IFT140: variants seen among roughly 807,000 people sequenced by gnomAD.
IFT140 encodes the protein intraflagellar transport 140.
A neutral mutation model predicts 164.6 loss-of-function variants in IFT140; 133 were observed. That is an observed-to-expected ratio of 0.81 (90% confidence interval 0.70 to 0.93). The LOEUF is 0.93. IFT140 is among the 40% of genes least tolerant of loss of function. The probability of loss-of-function intolerance (pLI) is 0.00; values close to 1 mark genes in which losing one functional copy is unlikely to be tolerated. For synonymous variants in IFT140, 860 were observed against 817.3 expected, an observed-to-expected ratio of 1.05 and a Z score of -0.89; for missense variants, 2,045 against 1,972.3, an observed-to-expected ratio of 1.04 and a Z score of -0.70.
At position 1,540,815 on chromosome 16, in the gene IFT140, C is replaced by A. The variant is rs562675204; in HGVS notation, c.2400-14019G>T. The A allele has an allele frequency of 1.2e-3, 1,199 of 985,276 alleles. 2 individuals carry two copies. The highest frequency in any genetic ancestry group is 1.4e-3 in the Non-Finnish European group (1,154 of 829,812). 61.0% of individuals were successfully genotyped at this position (985,276 alleles called of 1,614,324 possible). A position where few individuals can be genotyped will look rare whatever the true frequency, so the allele number is the denominator to read the frequency against. ...ACTTAGTTTTGGGAATCGAATTTCC[C>A]AAATATTGTTCAATAGAAAACAAGG... On this transcript the variant is annotated intron_variant, in intron 19 of 30. Coordinates refer to ENST00000426508, the MANE Select transcript of IFT140 (RefSeq NM_014714.4).
rs200683297 is a variant in IFT140 at position 1,534,548 on chromosome 16, C to T, written c.2400-7752G>A. On this transcript the variant is annotated intron_variant, in intron 19 of 30. Coordinates refer to ENST00000426508, the MANE Select transcript of IFT140 (RefSeq NM_014714.4). Reference sequence around the variant, plus strand: ...CCGGCTTCCAGGAGTCCCGAGGCACCGTCAAACGTAAGTCCAATTGTTTTC... The same window carrying T: ...CCGGCTTCCAGGAGTCCCGAGGCACTGTCAAACGTAAGTCCAATTGTTTTC... 11 of 1,602,932 alleles carry T rather than the reference C, an allele frequency of 6.9e-6. No homozygotes were observed. The highest frequency in any genetic ancestry group is 1.3e-5 in the African/African-American group (1 of 74,926).
chr16:1,585,308 C>T (rs2034809591), intron 10 of IFT140, among the ~76,000 whole-genome samples: 1 of 152,168 alleles, frequency 6.6e-6, no homozygotes, highest in Admixed American at 6.5e-5. Flanking sequence ...GTGGGAGCAG[C>T]CGGGCACAAA....
intron 4 of IFT140, among the ~76,000 whole-genome samples, chr16:1,595,848 T>C (rs1044410631): frequency 1.3e-5 from 2 of 151,722 alleles, no homozygotes; most frequent in African/African-American, 2.4e-5. Context: ...AGGTCAGGAG[T>C]TCGAGGCCAG....
At chr16:1,565,336 G>A (rs2033652569) in intron 16 of IFT140, among the ~76,000 whole-genome samples, 1 of 152,072 alleles carries the variant, frequency 6.6e-6, no homozygotes, top group African/African-American at 2.4e-5. Context: ...TCGGTGAGCT[G>A]TGAAGATGGA....
chr16:1,609,048 A>G (rs1567437776), intron 2 of IFT140, among the ~76,000 whole-genome samples: 1 of 152,044 alleles, frequency 6.6e-6, no homozygotes, highest in Non-Finnish European at 1.5e-5. Flanking sequence ...CCAGCTACTC[A>G]GGAGGCTGAG....
At position 1,523,941 on chromosome 16, in the gene IFT140, C is replaced by G. The variant is rs148194893; in HGVS notation, c.3157G>C (p.Asp1053His). Residue 1053 changes from aspartate to histidine, a missense_variant, in exon 25 of 31, where the codon GAC (aspartate) becomes CAC (histidine). Transcript: ENST00000426508. ...AGCAGGGCCAAGTTCATGAGCTGGT[C>G]GTCCAGGCCGTTCTCCTGCAGGGAG... is the stretch of plus-strand genomic sequence containing the variant. ...IRLCKENGLD[D>H]QLMNLALLSS... The G allele has an allele frequency of 6.2e-7, 1 of 1,612,208 alleles. No homozygotes were observed. The highest frequency in any genetic ancestry group is 8.5e-7 in the Non-Finnish European group (1 of 1,179,970).
At chr16:1,542,015 C>G in intron 19 of IFT140, 1 of 1,611,478 alleles carries the variant, frequency 6.2e-7, no homozygotes, top group South Asian at 1.1e-5. Context: ...TGGGCCTGCC[C>G]CTGCTGTCAC....
chr16:1,572,481 C>G (rs1383437935), intron 13 of IFT140, among the ~76,000 whole-genome samples: 1 of 152,106 alleles, frequency 6.6e-6, no homozygotes, highest in Non-Finnish European at 1.5e-5. Context: ...CCCGTCTCTA[C>G]TAAAAATACA....
intron 20 of IFT140, 27 bp from the exon 21 acceptor site, chr16:1,526,104 G>T: frequency 6.4e-7 from 1 of 1,553,012 alleles, no homozygotes; most frequent in Non-Finnish European, 8.7e-7. Context: ...GGCAGGTGTC[G>T]TGCAGCCTCC....
At chr16:1,538,212 T>C (rs1429136846) in intron 19 of IFT140, among the ~76,000 whole-genome samples, 1 of 152,156 alleles carries the variant, frequency 6.6e-6, no homozygotes, top group East Asian at 1.9e-4. Flanking sequence ...TGGTGAGCCA[T>C]GCACCCTGGG....
chr16:1,572,369 G>A (rs544199498), intron 13 of IFT140, among the ~76,000 whole-genome samples: 5 of 152,208 alleles, frequency 3.3e-5, no homozygotes, highest in African/African-American at 4.8e-5. Context: ...CCCACAGGCC[G>A]GGCGCGGTGG....
intron 13 of IFT140, among the ~76,000 whole-genome samples, chr16:1,578,674 G>A (rs945742578): frequency 2.0e-5 from 3 of 152,058 alleles, no homozygotes; most frequent in African/African-American, 7.2e-5. Flanking sequence ...GAGGTCAGGA[G>A]TTCAAGACCA....
At chr16:1,536,136 G>C (rs1427518480) in intron 19 of IFT140, among the ~76,000 whole-genome samples, 1 of 152,240 alleles carries the variant, frequency 6.6e-6, no homozygotes, top group Non-Finnish European at 1.5e-5. Context: ...CCGCAGCTCT[G>C]CACCTCCAGG....
chr16:1,589,807 T>C lies in IFT140; in HGVS notation c.635-27A>G, dbSNP rs201254253. 522 of 1,591,066 alleles carry C rather than the reference T, an allele frequency of 3.3e-4. 2 individuals are homozygous for C. In the African/African-American group the frequency reaches 6.3e-3, roughly 19 times the overall value. ...TGGGGACAAACGTGGGGTCACTACA[T>C]GAGGAGGCCCTGGTTTATCTGCTTC... On this transcript the variant is annotated intron_variant, in intron 6 of 30. Coordinates refer to ENST00000426508, the MANE Select transcript of IFT140 (RefSeq NM_014714.4).
intron 4 of IFT140, among the ~76,000 whole-genome samples, chr16:1,595,750 CAAAAAT>C (rs921571267): frequency 3.3e-5 from 5 of 151,990 alleles, no homozygotes; most frequent in African/African-American, 1.2e-4. Context: ...TTGATGAAGA[CAAAAAT>C]AAAAACACTA....
intron 30 of IFT140, chr16:1,514,738 T>A (rs1050916139): frequency 2.0e-5 from 3 of 152,230 alleles, no homozygotes; most frequent in South Asian, 2.1e-4. Context: ...AAAAAATGAC[T>A]AGACATAAGA....
intron 12 of IFT140, among the ~76,000 whole-genome samples, chr16:1,583,017 G>T (rs944445285): frequency 1.8e-4 from 27 of 152,212 alleles, no homozygotes; most frequent in Non-Finnish European, 3.4e-4. Context: ...GACACCACAG[G>T]TCTCACTGCT....
chr16:1,588,203 G>A (rs1045101169), intron 7 of IFT140, among the ~76,000 whole-genome samples, 179 bp from the exon 8 acceptor site: 15 of 152,134 alleles, frequency 9.9e-5, no homozygotes, highest in South Asian at 4.1e-4. Flanking sequence ...TGTAGGGGCC[G>A]AAGCAAACCA....
At position 1,520,287 on chromosome 16, in the gene IFT140, G is replaced by T. The variant is rs148678744; in HGVS notation, c.3717C>A (p.Ser1239Arg). ...TGTAGATTTCCTTCTGCCTGGACAC[G>T]CTCGCGAAGAACGTGATTTTCTCCG... Reference protein sequence around the residue: ...GDTEKITFFASVSRQKEIYIM... With the variant: ...GDTEKITFFARVSRQKEIYIM... The change falls in exon 28 of 31, where the codon AGC (serine) becomes AGA (arginine). Residue 1239 changes from serine to arginine, a missense_variant. By Grantham distance (110) the Ser-to-Arg change is moderately radical. Coordinates refer to ENST00000426508, the MANE Select transcript of IFT140 (RefSeq NM_014714.4). 1 of 1,614,190 alleles carries T rather than the reference G, an allele frequency of 6.2e-7. No homozygotes were observed. The highest frequency in any genetic ancestry group is 8.5e-7 in the Non-Finnish European group (1 of 1,180,040).
Sources: allele counts gnomAD v4.1 joint callset (sites outside exome capture counted in the v4.1 genomes callset), GRCh38; gene constraint gnomAD v4.1.1; transcripts MANE v1.5; gene names NCBI Gene and HGNC (gene_info 2026-07-23, HGNC 2026-07-21).